The following SCFD2 variants were observed in gnomAD, a reference collection of about 807,000 sequenced individuals.
The protein encoded by SCFD2 is sec1 family domain-containing protein 2.
Under a neutral mutation model 58.9 loss-of-function variants are expected in SCFD2, and 54 were observed. The observed-to-expected ratio is 0.92, with a 90% confidence interval of 0.74 to 1.15. The LOEUF (loss-of-function observed/expected upper bound fraction) is 1.15. SCFD2 is among the 50% of genes most tolerant of loss of function. SCFD2 has a pLI of 0.00. For missense variants in SCFD2, 805 were observed against 836.6 expected (o/e 0.96, Z 0.47); for synonymous variants, 321 against 335.9 (o/e 0.96, Z 0.49).
intron 5 of SCFD2, among the ~76,000 whole-genome samples, chr4:52,961,606 G>A (rs573015037): frequency 2.0e-5 from 3 of 152,176 alleles, no homozygotes; most frequent in Non-Finnish European, 4.4e-5. Context: ...AGTGAGGTGT[G>A]GCCAGACTTG....
chr4:53,331,455 C>A (rs1253968796), intron 2 of SCFD2, among the ~76,000 whole-genome samples: 1 of 152,162 alleles, frequency 6.6e-6, no homozygotes, highest in Non-Finnish European at 1.5e-5. Flanking sequence ...CTCAAAACCG[C>A]TCAACTACAT....
At chr4:53,254,865 T>A (rs867108434) in intron 4 of SCFD2, among the ~76,000 whole-genome samples, 7 of 137,286 alleles carry the variant, frequency 5.1e-5, no homozygotes, top group South Asian at 2.2e-4. Context: ...ATTTTATTTA[T>A]TTTATTTTAT....
intron 5 of SCFD2, among the ~76,000 whole-genome samples, chr4:53,007,329 A>G (rs1453412089): frequency 8.4e-5 from 11 of 131,504 alleles, no homozygotes; most frequent in African/African-American, 3.2e-4. Flanking sequence ...AGAGAGAGAG[A>G]GAGAGGGAGA....
At chr4:53,256,038 C>G (rs879026466) in intron 4 of SCFD2, among the ~76,000 whole-genome samples, 5 of 150,324 alleles carry the variant, frequency 3.3e-5, no homozygotes, top group Non-Finnish European at 7.4e-5. Flanking sequence ...ACCTCCCTTC[C>G]GGACGGGGCG....
At chr4:53,336,540 TTTGA>T (rs140376465) in intron 2 of SCFD2, among the ~76,000 whole-genome samples, 1 of 143,746 alleles carries the variant, frequency 7.0e-6, no homozygotes, top group Non-Finnish European at 1.5e-5. Context: ...TATTTATTTA[TTTGA>T]GTTGGAGTTT....
chr4:52,998,568 C>A (rs955668220), intron 5 of SCFD2, among the ~76,000 whole-genome samples: 2 of 152,184 alleles, frequency 1.3e-5, no homozygotes, highest in African/African-American at 4.8e-5. Context: ...TTTGCTAGTG[C>A]CAGCCCCTTT....
chr4:53,202,925 G>A (rs1051977680), intron 4 of SCFD2, among the ~76,000 whole-genome samples: 3 of 152,210 alleles, frequency 2.0e-5, no homozygotes, highest in African/African-American at 7.2e-5. Context: ...GGAGATTTTG[G>A]GCTGAGACAA....
intron 5 of SCFD2, among the ~76,000 whole-genome samples, chr4:53,059,705 T>A (rs1723450153): frequency 6.6e-6 from 1 of 152,094 alleles, no homozygotes; most frequent in Non-Finnish European, 1.5e-5. Flanking sequence ...ATTAGTGCAA[T>A]TTACCTCAAT....
intron 4 of SCFD2, among the ~76,000 whole-genome samples, chr4:53,238,620 C>T (rs551685830): frequency 5.5e-4 from 83 of 151,020 alleles, no homozygotes; most frequent in Admixed American, 2.0e-3. Context: ...GGCTGCCAGG[C>T]GGAGGAGCTC....
chr4:53,190,515 AC>A (rs1428717093), intron 4 of SCFD2, among the ~76,000 whole-genome samples: 2 of 151,782 alleles, frequency 1.3e-5, no homozygotes, highest in African/African-American at 4.8e-5. Flanking sequence ...GGCCTTCTTG[AC>A]CCTCCTTTTT....
At chr4:52,973,493 C>A (rs1409257318) in intron 5 of SCFD2, among the ~76,000 whole-genome samples, 4 of 152,152 alleles carry the variant, frequency 2.6e-5, no homozygotes, top group Non-Finnish European at 5.9e-5. Context: ...TCTGAATAGA[C>A]CAATAACAGG....
intron 5 of SCFD2, among the ~76,000 whole-genome samples, chr4:52,926,792 T>C (rs1225624045): frequency 6.6e-6 from 1 of 152,116 alleles, no homozygotes. Context: ...GAGAAAGGGT[T>C]GGCTTGGGGG....
At chr4:53,277,794 T>G (rs1474739404) in intron 3 of SCFD2, among the ~76,000 whole-genome samples, 1 of 152,200 alleles carries the variant, frequency 6.6e-6, no homozygotes, top group African/African-American at 2.4e-5. Flanking sequence ...GGCTCACGCC[T>G]GTAATCGCAG....
chr4:53,129,180 A>T (rs751078129), intron 5 of SCFD2, among the ~76,000 whole-genome samples: 1 of 152,210 alleles, frequency 6.6e-6, no homozygotes, highest in Non-Finnish European at 1.5e-5. Context: ...GCAACAACTC[A>T]AGAGCCAGAC....
At chr4:53,039,901 C>T (rs1211119746) in intron 5 of SCFD2, among the ~76,000 whole-genome samples, 2 of 152,184 alleles carry the variant, frequency 1.3e-5, no homozygotes, top group Non-Finnish European at 2.9e-5. Context: ...ATGCTGACTT[C>T]ATTCATCTCT....
intron 1 of SCFD2, among the ~76,000 whole-genome samples, chr4:53,360,937 T>G (rs1369488638): frequency 6.6e-6 from 1 of 152,202 alleles, no homozygotes; most frequent in Non-Finnish European, 1.5e-5. Context: ...TTTTTACATG[T>G]TGCCTTGAAT....
Position 53,227,278 on chromosome 4 carries a change from G to C in SCFD2, c.1311+46548C>G, listed in dbSNP as rs567668399. Among the ~76,000 whole-genome samples, 8 of 152,322 alleles carry C rather than the reference G, an allele frequency of 5.3e-5. No homozygotes were observed. In the South Asian group the frequency reaches 1.5e-3, roughly 28 times the overall value. On this transcript the variant is annotated intron_variant, in intron 4 of 8. Transcript: ENST00000401642. ...TGTGAGAAAAGGACATTGTATATGA[G>C]AGATGTGAAAATAAATTTTAAAGAG...
intron 5 of SCFD2, among the ~76,000 whole-genome samples, chr4:53,094,562 G>A (rs1247685367): frequency 6.6e-6 from 1 of 152,022 alleles, no homozygotes; most frequent in African/African-American, 2.4e-5. Context: ...GAGGTACTGA[G>A]GGTGAGGACT....
intron 4 of SCFD2, among the ~76,000 whole-genome samples, chr4:53,212,575 CGTGTGTGTGTGTGT>C (rs72335886): frequency 2.8e-5 from 4 of 142,180 alleles, no homozygotes; most frequent in South Asian, 2.4e-4. Flanking sequence ...AAAGTGAGCA[CGTGTGTGTGTGTGT>C]GTGTGTGTGT....
Sources: allele counts gnomAD v4.1 joint callset (sites outside exome capture counted in the v4.1 genomes callset), GRCh38; gene constraint gnomAD v4.1.1; transcripts MANE v1.5; gene names NCBI Gene and HGNC (gene_info 2026-07-23, HGNC 2026-07-21).